The following MYRIP variants were observed in gnomAD, a reference collection of about 807,000 sequenced individuals.
MYRIP encodes rab effector MyRIP.
Under a neutral mutation model 98.0 loss-of-function variants are expected in MYRIP, and 49 were observed. That is an observed-to-expected ratio of 0.50 (90% CI 0.40 to 0.63). MYRIP has a LOEUF of 0.63. MYRIP is among the 30% of genes least tolerant of loss of function. The probability of loss-of-function intolerance (pLI) is 0.00; values close to 1 mark genes in which losing one functional copy is unlikely to be tolerated. For synonymous variants in MYRIP, 404 were observed against 409.5 expected, an observed-to-expected ratio of 0.99 and a Z score of 0.16; for missense variants, 1,004 against 1,058.2, an observed-to-expected ratio of 0.95 and a Z score of 0.71.
chr3:39,888,919 C>T (rs541497111), intron 1 of MYRIP, among the ~76,000 whole-genome samples: 5 of 152,180 alleles, frequency 3.3e-5, no homozygotes, highest in East Asian at 3.9e-4. Context: ...CCAAAAAACA[C>T]ATGAAAAAAT....
chr3:40,145,925 T>A (rs1422528808), intron 3 of MYRIP, among the ~76,000 whole-genome samples: 1 of 152,192 alleles, frequency 6.6e-6, no homozygotes, highest in Non-Finnish European at 1.5e-5. Context: ...TATAAAACAA[T>A]GTCTGTCCAT....
chr3:40,186,666 C>G (rs1327654194), intron 9 of MYRIP, among the ~76,000 whole-genome samples: 4 of 152,198 alleles, frequency 2.6e-5, no homozygotes, highest in African/African-American at 9.6e-5. Context: ...CCAGAGCAAG[C>G]CTCAAGTAAA....
chr3:40,071,303 T>C (rs534929821), intron 3 of MYRIP: 6 of 603,290 alleles, frequency 9.9e-6, no homozygotes, highest in Non-Finnish European at 1.0e-5. Context: ...CAGACAATTA[T>C]ATGGGGTGCA....
intron 9 of MYRIP, among the ~76,000 whole-genome samples, chr3:40,184,451 TAAG>T (rs1440805089): frequency 6.6e-6 from 1 of 152,212 alleles, no homozygotes; most frequent in Non-Finnish European, 1.5e-5. Context: ...GTTTTGCAGA[TAAG>T]AACATTGATG....
intron 2 of MYRIP, among the ~76,000 whole-genome samples, chr3:40,002,512 G>A (rs989067219): frequency 1.3e-5 from 2 of 151,822 alleles, no homozygotes; most frequent in African/African-American, 4.8e-5. Context: ...TCCAGCCTGG[G>A]CAACAAGAGC....
intron 7 of MYRIP, 94 bp downstream of exon 7, chr3:40,167,333 T>A: frequency 8.9e-7 from 1 of 1,121,752 alleles, no homozygotes; most frequent in East Asian, 2.5e-5. Context: ...GGGGAGTGTC[T>A]CTAGCACTGT....
At chr3:40,156,861 C>A (rs1950254609) in intron 4 of MYRIP, among the ~76,000 whole-genome samples, 1 of 151,846 alleles carries the variant, frequency 6.6e-6, no homozygotes, top group Non-Finnish European at 1.5e-5. Flanking sequence ...GAAGACTTTG[C>A]TGAAGTTGCT....
intron 3 of MYRIP, among the ~76,000 whole-genome samples, chr3:40,088,647 A>C (rs538844672): frequency 2.0e-5 from 3 of 152,316 alleles, no homozygotes; most frequent in South Asian, 4.1e-4. Flanking sequence ...GTCACCCAGC[A>C]GGCAGTGCAG....
rs1390108315 is a variant in MYRIP, at chr3:39,876,502, G to T, written c.-30-24285G>T. Among the ~76,000 whole-genome samples the T allele has an allele frequency of 2.0e-5, 3 of 152,042 alleles. No homozygotes were observed. In the East Asian group the frequency reaches 5.8e-4, roughly 29 times the overall value. On this transcript the variant is annotated intron_variant, in intron 1 of 16. Transcript: ENST00000302541. ...TACCGGTTGTTCCTTTCCATGTTTA[G>T]TGCTTCCTTCAGGAGCTCTTTTAGG...
intron 2 of MYRIP, among the ~76,000 whole-genome samples, chr3:40,025,866 CAG>C (rs1947113922): frequency 6.6e-6 from 1 of 152,098 alleles, no homozygotes; most frequent in Admixed American, 6.6e-5. Flanking sequence ...TCTGAGGAAA[CAG>C]AGCAAGAACA....
At chr3:39,907,114 G>A (rs889564553) in intron 2 of MYRIP, among the ~76,000 whole-genome samples, 3 of 152,084 alleles carry the variant, frequency 2.0e-5, no homozygotes, top group African/African-American at 7.2e-5. Flanking sequence ...GTGTCTGCTT[G>A]GGTGTTGGGC....
chr3:40,084,759 A>G (rs1156508470), intron 3 of MYRIP, among the ~76,000 whole-genome samples: 1 of 75,400 alleles, frequency 1.3e-5, no homozygotes, highest in Non-Finnish European at 2.9e-5. Context: ...TATGTGTTAC[A>G]TGTCGATAGA....
intron 2 of MYRIP, among the ~76,000 whole-genome samples, chr3:40,041,639 C>A (rs1020907857): frequency 6.6e-6 from 1 of 151,666 alleles, no homozygotes; most frequent in South Asian, 2.1e-4. Flanking sequence ...CACGATCCTG[C>A]ACAAGGTAAA....
chr3:40,155,080 C>T lies in MYRIP; in HGVS notation c.469+3896C>T, dbSNP rs183916001. Among the ~76,000 whole-genome samples the T allele has an allele frequency of 1.9e-3, 283 of 151,612 alleles. 1 individual carries two copies. The highest frequency in any genetic ancestry group is 6.0e-3 in the African/African-American group (248 of 41,274). The stretch of plus-strand genomic sequence containing the variant: ...TATGTATACATGTGCCATGCTGGTG[C>T]GCTGCACCCACTAACTCGTCATCTA... On this transcript the variant is annotated intron_variant, in intron 4 of 16. Transcript: ENST00000302541.
At chr3:39,828,790 C>T (rs979756541) in intron 1 of MYRIP, among the ~76,000 whole-genome samples, 1 of 152,110 alleles carries the variant, frequency 6.6e-6, no homozygotes, top group African/African-American at 2.4e-5. Context: ...TCATCCAGGC[C>T]ATTGCAAATG....
intron 3 of MYRIP, among the ~76,000 whole-genome samples, chr3:40,134,267 C>G (rs1156998960): frequency 6.6e-6 from 1 of 152,218 alleles, no homozygotes; most frequent in Non-Finnish European, 1.5e-5. Context: ...GTCCTACACC[C>G]ACGGAGCCTC....
rs554897716 is a variant in MYRIP at position 40,090,403 on chromosome 3, C to G, written c.332+46132C>G. ...TTGGGGAAAAGAGGAAAGGAAGGGG[C>G]AGTGGGGGAGTTTGTCTTTGCATAT... On this transcript the variant is annotated intron_variant, in intron 3 of 16. Coordinates refer to ENST00000302541, the MANE Select transcript of MYRIP (RefSeq NM_015460.4). 1.6e-4 allele frequency among the ~76,000 whole-genome samples: 24 copies of G among 152,156 alleles called. No individual in the cohort carries two copies. In the South Asian group the frequency reaches 5.0e-3, roughly 32 times the overall value.
intron 3 of MYRIP, among the ~76,000 whole-genome samples, chr3:40,128,192 TAGGGGCTTACATAC>T (rs1949560211): frequency 6.6e-6 from 1 of 152,150 alleles, no homozygotes; most frequent in Non-Finnish European, 1.5e-5. Context: ...GGAGTTTTAA[TAGGGGCTTACATAC>T]AGGGGAGAGA....
rs149286887 is a variant in MYRIP at position 39,857,123 on chromosome 3, G to C, written c.-30-43664G>C. 2.1e-3 allele frequency among the ~76,000 whole-genome samples: 313 copies of C among 152,162 alleles called. 2 individuals are homozygous for C. Among genetic ancestry groups the C allele is most frequent in the African/African-American group, 7.2e-3 (297 of 41,518 alleles). On this transcript the variant is annotated intron_variant, in intron 1 of 16. Coordinates refer to ENST00000302541, the MANE Select transcript of MYRIP (RefSeq NM_015460.4). ...AGCTACTTGGGAGGCTGAAGTGGGA[G>C]TATTGCTTGGGCTTGCGAGGTCAAG...
Sources: gnomAD v4.1 joint callset for allele counts (sites outside exome capture counted in the v4.1 genomes callset) on GRCh38, gnomAD v4.1.1 for gene constraint, MANE v1.5 for transcripts, NCBI Gene and HGNC (gene_info 2026-07-23, HGNC 2026-07-21) for gene names.